ASRGL1: variants seen among roughly 807,000 people sequenced by gnomAD.
The protein encoded by ASRGL1 is isoaspartyl peptidase/L-asparaginase.
In ASRGL1, 16 loss-of-function variants were observed where a neutral mutation model predicts 22.4. That is an observed-to-expected ratio of 0.71 (90% confidence interval 0.48 to 1.08). ASRGL1 has a LOEUF of 1.08. Among genes scored for constraint, ASRGL1 ranks in the 50% least tolerant of loss-of-function variants. The pLI is 0.00. For missense variants in ASRGL1, 412 were observed against 410.1 expected, an observed-to-expected ratio of 1.00 and a Z score of -0.04; for synonymous variants, 165 against 159.3, an observed-to-expected ratio of 1.04 and a Z score of -0.27.
chr11:62,389,372 T>A, intron 5 of ASRGL1, 121 bp downstream of exon 5: 2 of 976,008 alleles, frequency 2.0e-6, no homozygotes, highest in Non-Finnish European at 3.2e-6. Flanking sequence ...TTGGTGCAGC[T>A]CCAGGATGTC....
intron 2 of ASRGL1, 68 bp downstream of exon 2, chr11:62,338,235 C>T (rs1565149345): frequency 2.2e-6 from 3 of 1,392,628 alleles, no homozygotes; most frequent in East Asian, 5.1e-5. Context: ...ATAAATAGAA[C>T]CTACATAGTG....
At chr11:62,342,178 G>A (rs1945880970) in intron 2 of ASRGL1, among the ~76,000 whole-genome samples, 1 of 152,144 alleles carries the variant, frequency 6.6e-6, no homozygotes, top group African/African-American at 2.4e-5. Flanking sequence ...TTTAAAAGAG[G>A]CAAAGGTAGA....
At position 62,378,825 on chromosome 11, in the gene ASRGL1, C is replaced by T. The variant is rs182562932; in HGVS notation, c.492-10308C>T. 2.9e-3 allele frequency among the ~76,000 whole-genome samples: 445 copies of T among 152,162 alleles called. 4 individuals are homozygous for T. Among genetic ancestry groups the T allele is most frequent in the African/African-American group, 0.01 (420 of 41,478 alleles). Reference sequence around the variant, plus strand: ...GTAGCGGCCACTGATTTACCCATACCGGTTTTTCTGTTTTCCAAGTTAATG... The same window carrying T: ...GTAGCGGCCACTGATTTACCCATACTGGTTTTTCTGTTTTCCAAGTTAATG... On this transcript the variant is annotated intron_variant, in intron 4 of 6. Transcript: ENST00000415229.
At chr11:62,372,053 G>C (rs1565167771) in intron 4 of ASRGL1, 1 of 752,194 alleles carries the variant, frequency 1.3e-6, no homozygotes, top group African/African-American at 1.7e-5. Context: ...CCTGGCGGGG[G>C]TCCGGGTGCG....
rs567867048 is a variant in ASRGL1 at position 62,356,424 on chromosome 11, G to A, written c.290G>A (p.Cys97Tyr). 7 of 1,614,236 alleles carry A rather than the reference G, an allele frequency of 4.3e-6. No homozygotes were observed. The East Asian group carries it at 1.3e-4, about 31-fold the overall frequency. Residue 97 changes from cysteine to tyrosine, a missense_variant, in exon 3 of 7, where the codon TGT (cysteine) becomes TAT (tyrosine). By Grantham distance (194) the Cys-to-Tyr change is radical (BLOSUM62 -2). Coordinates refer to ENST00000415229, the MANE Select transcript of ASRGL1 (RefSeq NM_001083926.2). ...LSAGAVSAVQ[C>Y]IANPIKLARL... ...GCAGGAGCAGTGTCCGCAGTCCAGT[G>A]TATAGCAAATCCCATTAAACTTGCT...
intron 4 of ASRGL1, among the ~76,000 whole-genome samples, chr11:62,384,895 G>A (rs1218624065): frequency 2.3e-5 from 3 of 133,182 alleles, no homozygotes; most frequent in Non-Finnish European, 3.2e-5. Flanking sequence ...TCCAGCCTGC[G>A]CCACAGAGCA....
chr11:62,391,941 AC>A, intron 6 of ASRGL1, 137 bp from the exon 7 acceptor site: 1 of 997,686 alleles, frequency 1.0e-6, no homozygotes, highest in South Asian at 1.5e-5. Flanking sequence ...GGAGGTGAGG[AC>A]CCTCCTTTTA....
At chr11:62,390,133 A>G (rs570219097) in intron 5 of ASRGL1, among the ~76,000 whole-genome samples, 3 of 152,230 alleles carry the variant, frequency 2.0e-5, no homozygotes, top group African/African-American at 7.2e-5. Flanking sequence ...CAAAAATCCC[A>G]CCAAACTGTG....
Position 62,362,834 on chromosome 11 carries a change from A to ACACACACACACT in ASRGL1, c.491+5700_491+5701insCTCACACACACA, listed in dbSNP as rs1399877381. On this transcript the variant is annotated intron_variant, in intron 4 of 6. Transcript: ENST00000415229. ...GACATACACACACACACACACACAC[A>ACACACACACACT]CACACACACATCCATATAAATATAT... 8.1e-4 allele frequency among the ~76,000 whole-genome samples: 99 copies of ACACACACACACT among 122,016 alleles called. 3 individuals carry two copies. In the East Asian group the frequency reaches 0.018, roughly 22 times the overall value. 80.0% of individuals were successfully genotyped at this position (122,016 alleles called of 152,430 possible). A position where few individuals can be genotyped will look rare whatever the true frequency, so the allele number is the denominator to read the frequency against.
intron 4 of ASRGL1, among the ~76,000 whole-genome samples, chr11:62,360,454 A>G (rs1051935315): frequency 3.3e-5 from 5 of 151,942 alleles, no homozygotes; most frequent in African/African-American, 1.2e-4. Flanking sequence ...GAAAATGAGT[A>G]TAAGTCAAGA....
intron 2 of ASRGL1, among the ~76,000 whole-genome samples, chr11:62,347,335 T>C (rs1946051165): frequency 6.6e-6 from 1 of 152,212 alleles, no homozygotes; most frequent in South Asian, 2.1e-4. Flanking sequence ...TCGTTGGCCA[T>C]TGGTTATCAA....
intron 4 of ASRGL1, among the ~76,000 whole-genome samples, chr11:62,386,485 T>TC (rs1555009083): frequency 6.3e-5 from 9 of 141,880 alleles, no homozygotes; most frequent in South Asian, 2.2e-4. Context: ...TATGTACATA[T>TC]ATATGTACAT....
At chr11:62,383,084 T>G (rs1947112974) in intron 4 of ASRGL1, 1 of 152,190 alleles carries the variant, frequency 6.6e-6, no homozygotes, top group African/African-American at 2.4e-5. Flanking sequence ...CTCTTTCGTT[T>G]CCCCACAAAT....
Position 62,349,719 on chromosome 11 carries a change from T to G in ASRGL1, c.191-6606T>G, listed in dbSNP as rs1159327366. Among the ~76,000 whole-genome samples the G allele has an allele frequency of 2.0e-5, 3 of 152,144 alleles. No individual in the cohort carries two copies. In the East Asian group the frequency reaches 5.8e-4, roughly 29 times the overall value. On this transcript the variant is annotated intron_variant, in intron 2 of 6. Transcript: ENST00000415229. Reference sequence around the variant, plus strand: ...AGGACTTCAGGACGAGTCCGTAGAGTAAAATGAAAGCAAGTTTATTAGGAA... The same window carrying G: ...AGGACTTCAGGACGAGTCCGTAGAGGAAAATGAAAGCAAGTTTATTAGGAA...
intron 4 of ASRGL1, chr11:62,371,560 C>CTGCGG: frequency 1.4e-6 from 1 of 702,266 alleles, no homozygotes; most frequent in South Asian, 1.4e-5. Context: ...CCCAGGGACA[C>CTGCGG]AATACACTGC....
chr11:62,345,038 A>G (rs1945979858), intron 2 of ASRGL1, among the ~76,000 whole-genome samples: 1 of 152,238 alleles, frequency 6.6e-6, no homozygotes, highest in African/African-American at 2.4e-5. Flanking sequence ...ATGTTGTTGC[A>G]AATGACAGAA....
At chr11:62,373,086 TCA>T in intron 4 of ASRGL1, 1 of 1,465,642 alleles carries the variant, frequency 6.8e-7, no homozygotes, top group Admixed American at 1.7e-5. Context: ...CATGGGCTAC[TCA>T]CACTCCTTGG....
At chr11:62,372,462 T>G in intron 4 of ASRGL1, 2 of 1,510,000 alleles carry the variant, frequency 1.3e-6, no homozygotes, top group Non-Finnish European at 1.8e-6. Context: ...CTGAATATGG[T>G]CAGCTGGGAC....
chr11:62,398,894 C>T, the ASRGL1 span, among the ~76,000 whole-genome samples: 7 of 152,204 alleles, frequency 4.6e-5, no homozygotes, highest in East Asian at 5.8e-4. Context: ...TATGGCCAGG[C>T]GCAGTGACTC....
Sources: gnomAD v4.1 joint callset for allele counts (sites outside exome capture counted in the v4.1 genomes callset) on GRCh38, gnomAD v4.1.1 for gene constraint, MANE v1.5 for transcripts, NCBI Gene and HGNC (gene_info 2026-07-23, HGNC 2026-07-21) for gene names.